Variants in N4BP2 observed in about 807,000 individuals in gnomAD.
N4BP2 encodes NEDD4 binding protein 2.
N4BP2 carries 91 observed loss-of-function variants against 152.8 expected under a neutral mutation model. The observed-to-expected ratio is 0.60, with a 90% CI of 0.50 to 0.71. N4BP2 has a LOEUF of 0.71. N4BP2 is among the 30% of genes least tolerant of loss of function. N4BP2 has a pLI of 0.00. For missense variants in N4BP2, 1,923 were observed against 2,059.1 expected, an observed-to-expected ratio of 0.93 and a Z score of 1.28; for synonymous variants, 646 against 705.3, an observed-to-expected ratio of 0.92 and a Z score of 1.33.
chr4:40,176,384 T>C, the N4BP2 span, among the ~76,000 whole-genome samples: 1 of 152,218 alleles, frequency 6.6e-6, no homozygotes, highest in African/African-American at 2.4e-5. Context: ...AATATGAACA[T>C]CTATCCTTAT....
At chr4:40,188,344 CA>C in the N4BP2 span, among the ~76,000 whole-genome samples, 2 of 152,180 alleles carry the variant, frequency 1.3e-5, no homozygotes, top group Non-Finnish European at 2.9e-5. Context: ...TGGCCCTGAG[CA>C]AGATACTTAA....
At chr4:40,168,597 C>CAT in the N4BP2 span, among the ~76,000 whole-genome samples, 3 of 132,586 alleles carry the variant, frequency 2.3e-5, no homozygotes, top group African/African-American at 8.3e-5. Flanking sequence ...GGATTTTACA[C>CAT]CTTTTTCAGA....
chr4:40,057,036 G>A lies in N4BP2; in HGVS notation c.-212+6G>A, dbSNP rs1187138195. On this transcript the variant is annotated splice_donor_region_variant and intron_variant, in intron 1 of 17. Transcript: ENST00000261435. ...TCTGCCCGCTCCAGAAGCAGGTAAA[G>A]GCGGCGGGTGGGAGGCAGGGAGGCG... 2.0e-5 allele frequency: 3 copies of A among 152,418 alleles called. No individual in the cohort carries two copies. The highest frequency in any genetic ancestry group is 7.2e-5 in the African/African-American group (3 of 41,476). 9.4% of individuals were successfully genotyped at this position (152,418 alleles called of 1,614,324 possible).
downstream of N4BP2, among the ~76,000 whole-genome samples, chr4:40,162,111 A>G (rs187812564): frequency 6.6e-6 from 1 of 152,310 alleles, no homozygotes; most frequent in African/African-American, 2.4e-5. Flanking sequence ...GAGTGTATCT[A>G]ATTGGTAGAA....
chr4:40,063,824 T>C (rs1733836416), intron 1 of N4BP2, among the ~76,000 whole-genome samples: 1 of 152,006 alleles, frequency 6.6e-6, no homozygotes, highest in African/African-American at 2.4e-5. Flanking sequence ...TTTGTCTTTT[T>C]AGTAGAGACA....
At chr4:40,074,615 T>G (rs2109903633) in intron 2 of N4BP2, among the ~76,000 whole-genome samples, 1 of 152,294 alleles carries the variant, frequency 6.6e-6, no homozygotes, top group East Asian at 1.9e-4. Context: ...TCAAAAGAGC[T>G]TTCGTGGTAT....
the N4BP2 span, among the ~76,000 whole-genome samples, chr4:40,171,306 A>C: frequency 6.6e-6 from 1 of 152,284 alleles, no homozygotes; most frequent in Middle Eastern, 3.4e-3. Flanking sequence ...GAAGGCTGCC[A>C]ATACCACTGG....
At chr4:40,147,849 C>A (rs372103367) in intron 16 of N4BP2, among the ~76,000 whole-genome samples, 1 of 151,410 alleles carries the variant, frequency 6.6e-6, no homozygotes, top group Admixed American at 6.6e-5. Flanking sequence ...ACCTCCCAGA[C>A]GGGGTCGCGG....
At chr4:40,093,071 G>A (rs1377558153) in intron 2 of N4BP2, among the ~76,000 whole-genome samples, 1 of 151,828 alleles carries the variant, frequency 6.6e-6, no homozygotes, top group South Asian at 2.1e-4. Context: ...AGTCTCCGGA[G>A]CAGCTAGGAT....
the N4BP2 span, among the ~76,000 whole-genome samples, chr4:40,178,798 C>T: frequency 6.6e-6 from 1 of 152,010 alleles, no homozygotes. Context: ...TGGGATAAGA[C>T]ATGCTTAGTG....
Position 40,142,737 on chromosome 4 carries a change from C to T in N4BP2, c.4850C>T (p.Pro1617Leu). The T allele has an allele frequency of 6.2e-7, 1 of 1,613,890 alleles. No individual in the cohort carries two copies. The highest frequency in any genetic ancestry group is 8.5e-7 in the Non-Finnish European group (1 of 1,179,920). The change falls in exon 15 of 18, where the codon CCA becomes CTA. Residue 1617 changes from proline to leucine, a missense_variant. Pro to Leu is a moderately conservative substitution (Grantham distance 98). Coordinates refer to ENST00000261435, the MANE Select transcript of N4BP2 (RefSeq NM_018177.6). ...SELSFQDFEYPDYDDYRAEAF... is the reference protein window; with the variant it reads ...SELSFQDFEYLDYDDYRAEAF... The stretch of plus-strand genomic sequence containing the variant: ...CTGTCTTTCCAGGACTTTGAGTACC[C>T]AGACTATGATGACTACAGAGCAGAG...
intron 1 of N4BP2, among the ~76,000 whole-genome samples, chr4:40,068,482 C>T (rs1451452978): frequency 6.6e-6 from 1 of 152,142 alleles, no homozygotes; most frequent in Non-Finnish European, 1.5e-5. Flanking sequence ...TTTTGAGTTA[C>T]CTTTTGTATT....
intron 1 of N4BP2, among the ~76,000 whole-genome samples, chr4:40,070,743 T>A (rs1487366672): frequency 2.6e-5 from 4 of 152,032 alleles, no homozygotes; most frequent in Non-Finnish European, 5.9e-5. Context: ...GTGACCTGAT[T>A]CCCTGATACA....
chr4:40,124,617 G>A (rs1164321092), intron 11 of N4BP2, among the ~76,000 whole-genome samples: 1 of 152,056 alleles, frequency 6.6e-6, no homozygotes, highest in Non-Finnish European at 1.5e-5. Context: ...AAAGTCCTGG[G>A]GTTACAGGCA....
In N4BP2 at chr4:40,157,303, T is replaced by C. The variant is rs1003755280; in HGVS notation, c.*3066T>C. ...TTAGTATTTCCATACTATTTGCAACTTTATGGCCTTTAAATATAGGACATA... is the reference window on the plus strand; with the variant it reads ...TTAGTATTTCCATACTATTTGCAACCTTATGGCCTTTAAATATAGGACATA... On this transcript the variant is annotated 3_prime_UTR_variant, in exon 18 of 18. Transcript: ENST00000261435. 3 of 152,250 alleles carry C rather than the reference T, an allele frequency of 2.0e-5. No individual in the cohort carries two copies. The East Asian group carries it at 5.8e-4, about 29-fold the overall frequency. The allele number at this position is 152,250 out of a possible 1,614,324, so 9.4% of individuals were successfully genotyped here.
intron 15 of N4BP2, among the ~76,000 whole-genome samples, chr4:40,143,896 C>T (rs1344833496): frequency 6.6e-6 from 1 of 152,136 alleles, no homozygotes; most frequent in Non-Finnish European, 1.5e-5. Context: ...GGGGAATTGG[C>T]TCTCACAGTC....
intron 1 of N4BP2, among the ~76,000 whole-genome samples, chr4:40,059,335 C>T (rs1027829118): frequency 1.3e-5 from 2 of 151,816 alleles, no homozygotes; most frequent in East Asian, 1.9e-4. Flanking sequence ...CTATTAAATG[C>T]CTTTAGAAGT....
chr4:40,185,600 CTTA>C, the N4BP2 span, among the ~76,000 whole-genome samples: 6 of 151,828 alleles, frequency 4.0e-5, no homozygotes, highest in Non-Finnish European at 7.4e-5. Context: ...AGAACTTAAA[CTTA>C]TTATTTGGAA....
chr4:40,128,190 A>G (rs1718597140), intron 12 of N4BP2, among the ~76,000 whole-genome samples: 1 of 152,248 alleles, frequency 6.6e-6, no homozygotes, highest in Non-Finnish European at 1.5e-5. Context: ...AAGGGAAAAC[A>G]TCTTAGAGGT....
Sources: gnomAD v4.1 joint callset for allele counts (sites outside exome capture counted in the v4.1 genomes callset) on GRCh38, gnomAD v4.1.1 for gene constraint, MANE v1.5 for transcripts, NCBI Gene and HGNC (gene_info 2026-07-23, HGNC 2026-07-21) for gene names.